The following EIF4ENIF1 variants were observed in gnomAD, a reference collection of about 807,000 sequenced individuals.
EIF4ENIF1 encodes the protein eukaryotic translation initiation factor 4E nuclear import factor 1, also known as eukaryotic translation initiation factor 4E transporter.
Under a neutral mutation model 110.5 loss-of-function variants are expected in EIF4ENIF1, and 23 were observed. The observed-to-expected ratio is 0.21, with a 90% CI of 0.15 to 0.29. EIF4ENIF1 has a LOEUF of 0.29. Ranked by LOEUF, EIF4ENIF1 falls within the 10% of genes least tolerant of loss-of-function variation. The pLI is 1.00. For missense variants in EIF4ENIF1, 1,031 were observed against 1,221.1 expected, an observed-to-expected ratio of 0.84 and a Z score of 2.32; for synonymous variants, 440 against 437.0, an observed-to-expected ratio of 1.01 and a Z score of -0.09.
intron 2 of EIF4ENIF1, among the ~76,000 whole-genome samples, chr22:31,487,660 C>T (rs2052092388): frequency 6.6e-6 from 1 of 152,018 alleles, no homozygotes; most frequent in South Asian, 2.1e-4. Context: ...CGTACTGGTG[C>T]ACGCCTGTGG....
chr22:31,483,938 A>G (rs1263861907), intron 2 of EIF4ENIF1, among the ~76,000 whole-genome samples: 5 of 152,194 alleles, frequency 3.3e-5, no homozygotes, highest in Non-Finnish European at 5.9e-5. Context: ...CCATCCCACA[A>G]TGAGATTTAG....
At chr22:31,441,550 G>GAAAAAAAAAA (rs771597260) in intron 17 of EIF4ENIF1, among the ~76,000 whole-genome samples, 9 of 65,238 alleles carry the variant, frequency 1.4e-4, no homozygotes, top group African/African-American at 4.7e-4. Flanking sequence ...CTACAAAAAG[G>GAAAAAAAAAA]AAAAAAAAAA....
At chr22:31,452,639 C>G (rs71331292) in intron 10 of EIF4ENIF1, among the ~76,000 whole-genome samples, 4,676 of 152,308 alleles carry the variant, frequency 0.031, 119 homozygotes, top group Non-Finnish European at 0.045. Context: ...ATGAACCACA[C>G]CATTGCAGTC....
chr22:31,464,699 A>ATATAT (rs1555908580), intron 4 of EIF4ENIF1, among the ~76,000 whole-genome samples: 2 of 39,134 alleles, frequency 5.1e-5, no homozygotes, highest in South Asian at 8.6e-4. Flanking sequence ...AAAAAAAAAA[A>ATATAT]ATATATATAT....
chr22:31,463,975 G>A lies in EIF4ENIF1; in HGVS notation c.299-8C>T. 6.2e-7 allele frequency: 1 copy of A among 1,607,000 alleles called. No homozygotes were observed. Among genetic ancestry groups the A allele is most frequent in the East Asian group, 2.2e-5 (1 of 44,798 alleles). ...TCACACGCTCTCGTGGATCTGGAAG[G>A]ACGTGGGAAAGACAAAGTTAAACAA... On this transcript the variant is annotated splice_polypyrimidine_tract_variant and splice_region_variant and intron_variant, in intron 4 of 18. Coordinates refer to ENST00000330125, the MANE Select transcript of EIF4ENIF1 (RefSeq NM_019843.4).
At chr22:31,450,496 G>C (rs2050612801) in intron 10 of EIF4ENIF1, 136 bp from the exon 11 acceptor site, 1 of 623,958 alleles carries the variant, frequency 1.6e-6, no homozygotes, top group Non-Finnish European at 2.9e-6. Context: ...AGAAAACTTA[G>C]ACCAACGTGT....
intron 4 of EIF4ENIF1, among the ~76,000 whole-genome samples, chr22:31,466,643 G>GGGT (rs1299777653): frequency 1.7e-5 from 2 of 121,058 alleles, no homozygotes; most frequent in East Asian, 3.1e-4. Context: ...GAAGTGTTGT[G>GGGT]GGGGGGGCAG....
chr22:31,461,365 C>T (rs1210798647), intron 6 of EIF4ENIF1, among the ~76,000 whole-genome samples: 1 of 152,156 alleles, frequency 6.6e-6, no homozygotes, highest in Non-Finnish European at 1.5e-5. Context: ...GCAGGTACTT[C>T]ACACACATTA....
chr22:31,450,896 A>ACACACACACACACACACACACAC (rs747824280), intron 10 of EIF4ENIF1: 1 of 115,368 alleles, frequency 8.7e-6, no homozygotes, highest in African/African-American at 3.4e-5. Context: ...CACACACACA[A>ACACACACACACACACACACACAC]AAGAGACAGG....
At chr22:31,453,015 T>A (rs1387751370) in intron 10 of EIF4ENIF1, among the ~76,000 whole-genome samples, 2 of 150,170 alleles carry the variant, frequency 1.3e-5, no homozygotes, top group East Asian at 4.1e-4. Context: ...ACTGGTAAGT[T>A]CCCAGGCAAG....
intron 2 of EIF4ENIF1, among the ~76,000 whole-genome samples, chr22:31,475,954 G>T (rs903446578): frequency 1.3e-5 from 2 of 151,882 alleles, no homozygotes; most frequent in African/African-American, 4.8e-5. Context: ...CTTTGGGGCT[G>T]GGGGGAGGGG....
chr22:31,463,346 T>C (rs568174832), intron 5 of EIF4ENIF1, among the ~76,000 whole-genome samples: 4 of 151,744 alleles, frequency 2.6e-5, no homozygotes, highest in Non-Finnish European at 5.9e-5. Flanking sequence ...AAAAAGTGAA[T>C]ATCAAGTCCC....
intron 7 of EIF4ENIF1, among the ~76,000 whole-genome samples, chr22:31,457,069 T>A (rs955226125): frequency 1.3e-5 from 2 of 152,210 alleles, no homozygotes; most frequent in Non-Finnish European, 2.9e-5. Context: ...CTTGAGAGTT[T>A]CAGAAGCCAA....
chr22:31,439,689 C>G lies in EIF4ENIF1; in HGVS notation c.*191G>C, dbSNP rs1164634952. 1 of 728,506 alleles carries G rather than the reference C, an allele frequency of 1.4e-6. No individual in the cohort carries two copies. Among genetic ancestry groups the G allele is most frequent in the Non-Finnish European group, 2.2e-6 (1 of 461,574 alleles). The allele number at this position is 728,506 out of a possible 1,614,324, so 45.1% of individuals were successfully genotyped here. A position where few individuals can be genotyped will look rare whatever the true frequency, so the allele number is the denominator to read the frequency against. On this transcript the variant is annotated 3_prime_UTR_variant, in exon 19 of 19. Coordinates refer to ENST00000330125, the MANE Select transcript of EIF4ENIF1 (RefSeq NM_019843.4). ...CAACATTGTGCATCCTGTATTCAGA[C>G]AATGTACACTCCACTCGACTGGTTA...
intron 3 of EIF4ENIF1, among the ~76,000 whole-genome samples, chr22:31,468,790 T>G (rs1601618832): frequency 6.6e-6 from 1 of 152,250 alleles, no homozygotes; most frequent in Non-Finnish European, 1.5e-5. Context: ...CAGTAATGCT[T>G]TGTTGTTGAT....
intron 18 of EIF4ENIF1, 136 bp from the exon 19 acceptor site, chr22:31,440,257 A>G (rs889222514): frequency 7.9e-7 from 1 of 1,272,800 alleles, no homozygotes; most frequent in Non-Finnish European, 1.1e-6. Flanking sequence ...CTCCTTTGCA[A>G]AATACCAACA....
At chr22:31,492,187 A>C (rs986661601), upstream of EIF4ENIF1, among the ~76,000 whole-genome samples, 9 of 152,204 alleles carry the variant, frequency 5.9e-5, no homozygotes, top group African/African-American at 2.2e-4. Context: ...GCAAGTGTTC[A>C]GAGAGCGAAC....
chr22:31,480,249 T>C (rs1051451329), intron 2 of EIF4ENIF1, among the ~76,000 whole-genome samples: 2 of 152,140 alleles, frequency 1.3e-5, no homozygotes, highest in Non-Finnish European at 2.9e-5. Context: ...CCAAAACCTA[T>C]TGGGGAATTA....
At chr22:31,443,516 T>A (rs538057502) in intron 15 of EIF4ENIF1, 1 of 162,214 alleles carries the variant, frequency 6.2e-6, no homozygotes, top group African/African-American at 2.4e-5. Context: ...CTCAATAGTC[T>A]CCTCAGCCAT....
Sources: gnomAD v4.1 joint callset for allele counts (sites outside exome capture counted in the v4.1 genomes callset) on GRCh38, gnomAD v4.1.1 for gene constraint, MANE v1.5 for transcripts, NCBI Gene and HGNC (gene_info 2026-07-23, HGNC 2026-07-21) for gene names.